Variants in GPHN observed in about 807,000 individuals in gnomAD.
The protein encoded by GPHN is gephyrin.
In GPHN, 17 loss-of-function variants were observed where a neutral mutation model predicts 95.5. The observed-to-expected ratio is 0.18, with a 90% CI of 0.12 to 0.27. The LOEUF (loss-of-function observed/expected upper bound fraction) is 0.27. Among genes scored for constraint, GPHN ranks in the 10% least tolerant of loss-of-function variants. GPHN has a pLI of 1.00. For missense variants in GPHN, 660 were observed against 978.1 expected, an observed-to-expected ratio of 0.67 and a Z score of 4.34; for synonymous variants, 320 against 322.5, an observed-to-expected ratio of 0.99 and a Z score of 0.08.
the GPHN span, among the ~76,000 whole-genome samples, chr14:67,375,913 A>C: frequency 6.6e-6 from 1 of 152,206 alleles, no homozygotes; most frequent in East Asian, 1.9e-4. Flanking sequence ...TTAAAATGGA[A>C]GAGTTATTCA....
chr14:67,103,511 C>CTTTTTTTT, intron 13 of GPHN, among the ~76,000 whole-genome samples: 35 of 53,398 alleles, frequency 6.6e-4, no homozygotes, highest in Non-Finnish European at 8.2e-4. Flanking sequence ...GTTTCTTTCT[C>CTTTTTTTT]TTTTTTTTTT....
chr14:66,694,539 G>A (rs913080907), intron 2 of GPHN, among the ~76,000 whole-genome samples: 2 of 152,220 alleles, frequency 1.3e-5, no homozygotes, highest in African/African-American at 4.8e-5. Flanking sequence ...GAATCTGGAC[G>A]TAGACCTTAC....
intron 12 of GPHN, among the ~76,000 whole-genome samples, chr14:67,098,953 T>TG (rs1349799523): frequency 6.6e-6 from 1 of 152,132 alleles, no homozygotes; most frequent in Non-Finnish European, 1.5e-5. Context: ...GCAGTTGGTG[T>TG]GGAACTCTGA....
chr14:67,582,140 G>A, the GPHN span: 5 of 1,613,782 alleles, frequency 3.1e-6, no homozygotes, highest in Non-Finnish European at 4.2e-6. The surrounding 1 kb of genome is among the most constrained non-coding windows in gnomAD (Gnocchi z 5.0). Context: ...CAAACCAGTA[G>A]AGAGATAGTG....
chr14:67,123,964 C>T (rs554998206), intron 17 of GPHN, among the ~76,000 whole-genome samples: 1 of 152,312 alleles, frequency 6.6e-6, no homozygotes, highest in African/African-American at 2.4e-5. Context: ...AAGGTAGTAG[C>T]TTTTATGTCA....
At chr14:66,608,213 T>C (rs2062632103) in intron 1 of GPHN, among the ~76,000 whole-genome samples, 1 of 152,046 alleles carries the variant, frequency 6.6e-6, no homozygotes, top group Admixed American at 6.6e-5. Flanking sequence ...CGAATAGTTT[T>C]TTGGTTTCTG....
At chr14:67,596,979 T>C in the GPHN span, among the ~76,000 whole-genome samples, 8 of 152,238 alleles carry the variant, frequency 5.3e-5, no homozygotes, top group Admixed American at 2.0e-4. Context: ...TGGTTTTCTT[T>C]GATGGTCTCT....
the GPHN span, chr14:67,272,073 A>AG: frequency 6.6e-6 from 1 of 152,014 alleles, no homozygotes; most frequent in Non-Finnish European, 1.5e-5. Flanking sequence ...AAAAAAAAAA[A>AG]AGTTCAAGGA....
At chr14:67,007,902 AG>A (rs1483030493) in intron 9 of GPHN, among the ~76,000 whole-genome samples, 1 of 152,162 alleles carries the variant, frequency 6.6e-6, no homozygotes, top group Non-Finnish European at 1.5e-5. Flanking sequence ...AAAGGGAGGA[AG>A]GAAACTAGAC....
At chr14:67,361,291 T>C in the GPHN span, among the ~76,000 whole-genome samples, 1 of 152,356 alleles carries the variant, frequency 6.6e-6, no homozygotes, top group Admixed American at 6.5e-5. Context: ...TGAGTTGTTA[T>C]TCAAGGAACA....
chr14:67,719,524 G>C, the GPHN span, among the ~76,000 whole-genome samples: 27 of 152,206 alleles, frequency 1.8e-4, no homozygotes, highest in African/African-American at 6.0e-4. Context: ...GCCCAGGCTG[G>C]AGTGTAGTGG....
chr14:67,240,053 C>A, the GPHN span, among the ~76,000 whole-genome samples: 1 of 152,176 alleles, frequency 6.6e-6, no homozygotes, highest in South Asian at 2.1e-4. Flanking sequence ...TGTCGTCCAC[C>A]TGTATTCGAA....
At chr14:67,068,254 T>C (rs2076146298) in intron 11 of GPHN, among the ~76,000 whole-genome samples, 1 of 152,220 alleles carries the variant, frequency 6.6e-6, no homozygotes, top group African/African-American at 2.4e-5. Flanking sequence ...CGTGTTTGCA[T>C]GTATAAAGTG....
At chr14:67,168,804 G>T in intron 20 of GPHN, 129 bp from the exon 21 acceptor site, 1 of 718,378 alleles carries the variant, frequency 1.4e-6, no homozygotes, top group South Asian at 1.5e-5. Flanking sequence ...GATTCAAGGT[G>T]ATTCAGAAGA....
the GPHN span, among the ~76,000 whole-genome samples, chr14:67,275,027 A>G: frequency 1.3e-5 from 2 of 152,204 alleles, no homozygotes; most frequent in African/African-American, 4.8e-5. Flanking sequence ...GGGCTGAGAC[A>G]GTGGGGTTTT....
At chr14:67,324,333 T>C in the GPHN span, among the ~76,000 whole-genome samples, 74 of 152,312 alleles carry the variant, frequency 4.9e-4, no homozygotes, top group African/African-American at 1.7e-3. Context: ...GATAACATGT[T>C]ATTAATAAGA....
chr14:67,585,956 G>A, the GPHN span: 19 of 1,612,146 alleles, frequency 1.2e-5, no homozygotes, highest in Admixed American at 1.7e-5. Context: ...CACAGCAAGT[G>A]CACATCACTT....
chr14:66,956,373 G>A (rs1197456069), intron 8 of GPHN, among the ~76,000 whole-genome samples: 1 of 152,136 alleles, frequency 6.6e-6, no homozygotes, highest in African/African-American at 2.4e-5. Flanking sequence ...ATAGCAGCAT[G>A]ATTTATAGTC....
At chr14:67,625,365 T>G in the GPHN span, among the ~76,000 whole-genome samples, 1 of 152,116 alleles carries the variant, frequency 6.6e-6, no homozygotes, top group Non-Finnish European at 1.5e-5. Context: ...TAAATACATC[T>G]ATGTTTCAAA....
Sources: gnomAD v4.1 joint callset for allele counts (sites outside exome capture counted in the v4.1 genomes callset) on GRCh38, gnomAD v4.1.1 for gene constraint, Gnocchi (gnomAD v3.1) non-coding constraint, MANE v1.5 for transcripts, NCBI Gene and HGNC (gene_info 2026-07-23, HGNC 2026-07-21) for gene names.